The following DAOA variants were observed in gnomAD, a reference collection of about 807,000 sequenced individuals.
The protein encoded by DAOA is D-amino acid oxidase activator.
DAOA carries 15 observed loss-of-function variants against 16.4 expected under a neutral mutation model. That is an observed-to-expected ratio of 0.91 (90% CI 0.61 to 1.41). The LOEUF (loss-of-function observed/expected upper bound fraction) is 1.41, where lower values mean the gene tolerates loss of function less well. DAOA is among the 40% of genes most tolerant of loss of function. DAOA has a pLI of 0.00. For synonymous variants in DAOA, 75 were observed against 59.1 expected, an observed-to-expected ratio of 1.27 and a Z score of -1.23; for missense variants, 230 against 176.8, an observed-to-expected ratio of 1.30 and a Z score of -1.71.
In DAOA at chr13:105,482,457, C is replaced by A. The variant is rs150835187; in HGVS notation, c.282-7444C>A. Among the ~76,000 whole-genome samples, 1,101 of 149,976 alleles carry A rather than the reference C, an allele frequency of 7.3e-3. 11 individuals carry two copies. The highest frequency in any genetic ancestry group is 0.026 in the African/African-American group (1,063 of 40,838). Reference sequence around the variant, plus strand: ...ATTTCTTATTCTCTATCACTCTGCTCTTTTTCTCAGTCTCTTTTGCCAGCT... The same window carrying A: ...ATTTCTTATTCTCTATCACTCTGCTATTTTTCTCAGTCTCTTTTGCCAGCT... On this transcript the variant is annotated intron_variant, in intron 4 of 5. Transcript: ENST00000375936.
At chr13:105,489,085 T>A (rs533518283) in intron 4 of DAOA, among the ~76,000 whole-genome samples, 13 of 152,334 alleles carry the variant, frequency 8.5e-5, no homozygotes, top group African/African-American at 2.6e-4. Context: ...TGGGTAGTAC[T>A]TACAGGACGG....
chr13:105,467,201 G>A (rs1335091254), intron 3 of DAOA, 60 bp downstream of exon 3: 4 of 1,474,688 alleles, frequency 2.7e-6, no homozygotes, highest in African/African-American at 1.4e-5. Flanking sequence ...ATAAAACTGT[G>A]GTAAAGCTAC....
rs559363998 is a variant in DAOA at position 105,482,098 on chromosome 13, A to G, written c.282-7803A>G. Among the ~76,000 whole-genome samples, 31 of 152,242 alleles carry G rather than the reference A, an allele frequency of 2.0e-4. No individual in the cohort carries two copies. The East Asian group carries it at 5.4e-3, about 27-fold the overall frequency. ...TTAGATCTCATGAGACTTATTCACTATCACAAGAACAGCACAGGAAAGACC... is the reference window on the plus strand; with the variant it reads ...TTAGATCTCATGAGACTTATTCACTGTCACAAGAACAGCACAGGAAAGACC... On this transcript the variant is annotated intron_variant, in intron 4 of 5. Coordinates refer to ENST00000375936, the MANE Select transcript of DAOA (RefSeq NM_172370.5).
chr13:105,484,220 A>G (rs1454138369), intron 4 of DAOA, among the ~76,000 whole-genome samples: 1 of 151,682 alleles, frequency 6.6e-6, no homozygotes, highest in Non-Finnish European at 1.5e-5. Flanking sequence ...TTTCTATTTT[A>G]TCCTATTGAT....
chr13:105,486,741 C>G (rs939641129), intron 4 of DAOA, among the ~76,000 whole-genome samples: 5 of 152,136 alleles, frequency 3.3e-5, no homozygotes, highest in Middle Eastern at 3.4e-3. Flanking sequence ...GCCCCAGCCT[C>G]CCGAGTAGCT....
chr13:105,470,998 C>T (rs958791766), intron 3 of DAOA, among the ~76,000 whole-genome samples: 2 of 152,128 alleles, frequency 1.3e-5, no homozygotes, highest in East Asian at 1.9e-4. Flanking sequence ...TCGTGTTAGC[C>T]ATGATGGTCT....
In DAOA at chr13:105,481,700, G is replaced by A. The variant is rs76450719; in HGVS notation, c.282-8201G>A. Among the ~76,000 whole-genome samples the A allele has an allele frequency of 5.8e-3, 879 of 152,126 alleles. 11 individuals carry two copies. The highest frequency in any genetic ancestry group is 0.02 in the African/African-American group (826 of 41,490). ...GGATCTCATCCTTTTCTGTGGTAGT[G>A]GAAACAAACTATTGATTCAAATTTT... On this transcript the variant is annotated intron_variant, in intron 4 of 5. Transcript: ENST00000375936.
intron 4 of DAOA, among the ~76,000 whole-genome samples, chr13:105,488,992 T>C (rs1478455282): frequency 6.6e-6 from 1 of 152,304 alleles, no homozygotes; most frequent in African/African-American, 2.4e-5. Context: ...ACAGTCATGC[T>C]CTGATGAATT....
At chr13:105,473,093 C>T (rs1043316710) in intron 4 of DAOA, among the ~76,000 whole-genome samples, 2 of 151,898 alleles carry the variant, frequency 1.3e-5, no homozygotes, top group African/African-American at 4.8e-5. Flanking sequence ...GAAAAATAAG[C>T]CTGCCCATAC....
intron 4 of DAOA, among the ~76,000 whole-genome samples, chr13:105,480,189 C>A (rs4771496): frequency 0.037 from 5,637 of 152,186 alleles, 133 homozygotes; most frequent in South Asian, 0.063. Context: ...ATTAAAATTT[C>A]ATTTCTTTTT....
At chr13:105,488,017 AG>A in intron 4 of DAOA, among the ~76,000 whole-genome samples, 1 of 152,292 alleles carries the variant, frequency 6.6e-6, no homozygotes, top group South Asian at 2.1e-4. Flanking sequence ...CAGGGGAAAA[AG>A]GCAGAACTAA....
intron 5 of DAOA, 51 bp downstream of exon 5, chr13:105,490,243 AT>A (rs1403428721): frequency 5.3e-5 from 47 of 884,626 alleles, no homozygotes; most frequent in Non-Finnish European, 6.7e-5. Flanking sequence ...ATGAAATATA[AT>A]TTTTATGAAT....
At chr13:105,489,442 A>C (rs1878352780) in intron 4 of DAOA, among the ~76,000 whole-genome samples, 1 of 152,204 alleles carries the variant, frequency 6.6e-6, no homozygotes, top group African/African-American at 2.4e-5. Flanking sequence ...CTTTTCTGTT[A>C]GATCATATTC....
At chr13:105,485,993 C>G (rs1878078325) in intron 4 of DAOA, among the ~76,000 whole-genome samples, 1 of 152,144 alleles carries the variant, frequency 6.6e-6, no homozygotes, top group Admixed American at 6.5e-5. Context: ...ACTCCCATCC[C>G]CATCACCTTA....
At chr13:105,466,190 T>C (rs1876497368) in intron 1 of DAOA, 26 bp from the exon 2 acceptor site, 1 of 1,571,284 alleles carries the variant, frequency 6.4e-7, no homozygotes. Flanking sequence ...AGCTTACTAG[T>C]GTATATGATG....
At chr13:105,475,188 A>G (rs980523875) in intron 4 of DAOA, 2 of 265,610 alleles carry the variant, frequency 7.5e-6, no homozygotes, top group Non-Finnish European at 1.2e-5. Flanking sequence ...CTCATTTAAT[A>G]TATCCACTGT....
intron 4 of DAOA, among the ~76,000 whole-genome samples, chr13:105,487,613 A>G (rs1878224856): frequency 6.6e-6 from 1 of 151,978 alleles, no homozygotes; most frequent in Non-Finnish European, 1.5e-5. Flanking sequence ...ACGGTTTGCA[A>G]GAAAATAATC....
chr13:105,488,533 A>AG (rs1878292041), intron 4 of DAOA, among the ~76,000 whole-genome samples: 1 of 152,180 alleles, frequency 6.6e-6, no homozygotes, highest in Non-Finnish European at 1.5e-5. Context: ...TTAAAAACGC[A>AG]ATTATCTGTT....
chr13:105,481,815 A>G (rs1877764563), intron 4 of DAOA, among the ~76,000 whole-genome samples: 1 of 152,142 alleles, frequency 6.6e-6, no homozygotes. Context: ...TTCAGCTAAC[A>G]ATCTCTCTCT....
Sources: gnomAD v4.1 joint callset for allele counts (sites outside exome capture counted in the v4.1 genomes callset) on GRCh38, gnomAD v4.1.1 for gene constraint, MANE v1.5 for transcripts, NCBI Gene and HGNC (gene_info 2026-07-23, HGNC 2026-07-21) for gene names.